The following EPHA5 variants were observed in gnomAD, a reference collection of about 807,000 sequenced individuals.
The protein encoded by EPHA5 is EPH receptor A5.
Under a neutral mutation model 105.0 loss-of-function variants are expected in EPHA5, and 60 were observed. The ratio of observed to expected loss-of-function variants is 0.57; its 90% CI spans 0.46 to 0.71. The LOEUF (loss-of-function observed/expected upper bound fraction) is 0.71, where lower values mean the gene tolerates loss of function less well. Among genes scored for constraint, EPHA5 ranks in the 30% least tolerant of loss-of-function variants. EPHA5 has a pLI of 0.00. For missense variants in EPHA5, 1,218 were observed against 1,274.7 expected, an observed-to-expected ratio of 0.96 and a Z score of 0.68; for synonymous variants, 513 against 449.1, an observed-to-expected ratio of 1.14 and a Z score of -1.80.
chr4:65,514,060 A>C (rs1733878897), intron 3 of EPHA5, among the ~76,000 whole-genome samples: 1 of 152,300 alleles, frequency 6.6e-6, no homozygotes, highest in South Asian at 2.1e-4. Context: ...ACAAACAAAC[A>C]TATGGCTTTG....
chr4:65,603,199 A>G (rs958097472), intron 2 of EPHA5, among the ~76,000 whole-genome samples: 3 of 152,152 alleles, frequency 2.0e-5, no homozygotes, highest in Non-Finnish European at 2.9e-5. Flanking sequence ...GCCAAAGAAG[A>G]GTTCTAAACC....
intron 1 of EPHA5, among the ~76,000 whole-genome samples, chr4:65,652,336 T>C (rs1405835961): frequency 6.6e-6 from 1 of 152,182 alleles, no homozygotes; most frequent in Non-Finnish European, 1.5e-5. Context: ...TAATTTTACT[T>C]TGAGGGCCTC....
At chr4:65,547,063 C>T (rs1737447584) in intron 3 of EPHA5, among the ~76,000 whole-genome samples, 1 of 151,934 alleles carries the variant, frequency 6.6e-6, no homozygotes, top group Admixed American at 6.6e-5. Context: ...ACTGTGAAAA[C>T]TGTAATAACA....
chr4:65,660,759 T>C (rs1461685003), intron 1 of EPHA5, among the ~76,000 whole-genome samples: 1 of 152,048 alleles, frequency 6.6e-6, no homozygotes, highest in African/African-American at 2.4e-5. Context: ...GGCATAATTA[T>C]CATGAAGTTA....
At chr4:65,451,230 C>T (rs1051627861) in intron 5 of EPHA5, among the ~76,000 whole-genome samples, 2 of 151,902 alleles carry the variant, frequency 1.3e-5, no homozygotes, top group Admixed American at 6.6e-5. Flanking sequence ...TTTATTTTTT[C>T]ATTTAAAAAA....
intron 13 of EPHA5, among the ~76,000 whole-genome samples, chr4:65,348,809 A>ATTTTT (rs1257886289): frequency 1.8e-5 from 1 of 54,878 alleles, no homozygotes; most frequent in African/African-American, 6.3e-5. Context: ...ATATATATAT[A>ATTTTT]TATATATTTT....
intron 8 of EPHA5, among the ~76,000 whole-genome samples, chr4:65,390,610 A>T (rs1310004018): frequency 1.3e-5 from 2 of 152,062 alleles, no homozygotes; most frequent in Non-Finnish European, 1.5e-5. Context: ...AGCAACCATC[A>T]TGGGTATGCA....
chr4:65,467,814 G>A (rs1204755342), intron 5 of EPHA5, among the ~76,000 whole-genome samples: 2 of 152,110 alleles, frequency 1.3e-5, no homozygotes, highest in East Asian at 1.9e-4. Flanking sequence ...ATCTGGGTGG[G>A]CCCAATGTAA....
intron 3 of EPHA5, among the ~76,000 whole-genome samples, chr4:65,563,955 T>C (rs1186406660): frequency 6.6e-6 from 1 of 151,926 alleles, no homozygotes; most frequent in East Asian, 1.9e-4. Flanking sequence ...ATACTAGAAA[T>C]TTTCCTCTCA....
At chr4:65,633,877 A>G (rs1746870573) in intron 2 of EPHA5, among the ~76,000 whole-genome samples, 1 of 152,112 alleles carries the variant, frequency 6.6e-6, no homozygotes, top group African/African-American at 2.4e-5. Flanking sequence ...TCTAAAGAAG[A>G]AAAAATCAGA....
At chr4:65,358,547 G>A (rs1335634614) in intron 11 of EPHA5, among the ~76,000 whole-genome samples, 4 of 151,494 alleles carry the variant, frequency 2.6e-5, no homozygotes, top group Admixed American at 6.6e-5. Flanking sequence ...ATTATTAATG[G>A]ATAATGGTCA....
intron 3 of EPHA5, among the ~76,000 whole-genome samples, chr4:65,503,356 T>G (rs1157623449): frequency 6.6e-6 from 1 of 151,726 alleles, no homozygotes; most frequent in Non-Finnish European, 1.5e-5. Context: ...TTAAAATAAA[T>G]TTAAACTACG....
chr4:65,636,590 G>A (rs1578650198), intron 2 of EPHA5, among the ~76,000 whole-genome samples: 1 of 151,532 alleles, frequency 6.6e-6, no homozygotes, highest in Non-Finnish European at 1.5e-5. Flanking sequence ...ACTAAATGTT[G>A]GTGTATATTT....
chr4:65,338,938 C>T (rs912041303), intron 14 of EPHA5, among the ~76,000 whole-genome samples: 1 of 152,012 alleles, frequency 6.6e-6, no homozygotes, highest in Non-Finnish European at 1.5e-5. Flanking sequence ...GATGGACTTT[C>T]TCATTACTAT....
At chr4:65,617,085 C>T (rs1474855366) in intron 2 of EPHA5, among the ~76,000 whole-genome samples, 6 of 152,034 alleles carry the variant, frequency 3.9e-5, no homozygotes, top group African/African-American at 1.4e-4. Flanking sequence ...TTACATTTTT[C>T]TGTACATCTC....
chr4:65,620,717 G>T (rs915108832), intron 2 of EPHA5, among the ~76,000 whole-genome samples: 9 of 152,134 alleles, frequency 5.9e-5, no homozygotes, highest in African/African-American at 2.2e-4. Context: ...TCATGGTCTT[G>T]GTTGAAGTTT....
intron 8 of EPHA5, among the ~76,000 whole-genome samples, chr4:65,387,268 G>C (rs1320370437): frequency 6.6e-6 from 1 of 151,876 alleles, no homozygotes; most frequent in Non-Finnish European, 1.5e-5. Flanking sequence ...TTGGAGCTGG[G>C]GGCGCTGTCC....
At chr4:65,359,584 T>G (rs148523762) in intron 11 of EPHA5, among the ~76,000 whole-genome samples, 1 of 151,624 alleles carries the variant, frequency 6.6e-6, no homozygotes, top group Non-Finnish European at 1.5e-5. Flanking sequence ...GACAAATAAT[T>G]TATAGTTATC....
At chr4:65,368,710 C>A (rs549765925) in intron 8 of EPHA5, among the ~76,000 whole-genome samples, 6 of 152,258 alleles carry the variant, frequency 3.9e-5, no homozygotes, top group Middle Eastern at 3.4e-3. Context: ...CTATCTACTG[C>A]AAAATATTTA....
Sources: gnomAD v4.1 joint callset for allele counts (sites outside exome capture counted in the v4.1 genomes callset) on GRCh38, gnomAD v4.1.1 for gene constraint, MANE v1.5 for transcripts, NCBI Gene and HGNC (gene_info 2026-07-23, HGNC 2026-07-21) for gene names.